Variants in PPFIA2 observed in about 807,000 individuals in gnomAD.
PPFIA2 encodes liprin-alpha-2.
In PPFIA2, 46 loss-of-function variants were observed where a neutral mutation model predicts 175.5. The observed-to-expected ratio is 0.26, with a 90% CI of 0.21 to 0.34. PPFIA2 has a LOEUF of 0.34. PPFIA2 is among the 10% of genes least tolerant of loss of function. The pLI, the probability that PPFIA2 is intolerant of heterozygous loss-of-function variation, is 1.00. For missense variants in PPFIA2, 1,179 were observed against 1,506.1 expected, an observed-to-expected ratio of 0.78 and a Z score of 3.60; for synonymous variants, 568 against 511.4, an observed-to-expected ratio of 1.11 and a Z score of -1.49.
chr12:81,447,982 C>A (rs1440019972), intron 5 of PPFIA2, among the ~76,000 whole-genome samples: 1 of 151,988 alleles, frequency 6.6e-6, no homozygotes, highest in South Asian at 2.1e-4. Context: ...ATAATGAAAC[C>A]TTTACAACAC....
At position 81,646,358 on chromosome 12, in the gene PPFIA2, GAAGA is replaced by G. The variant is rs1307315108; in HGVS notation, c.303+30429_303+30432del. On this transcript the variant is annotated intron_variant, in intron 4 of 32. Transcript: ENST00000549396. The stretch of plus-strand genomic sequence containing the variant: ...CCCTCTAGAGAACAGGAAGGGAAAT[GAAGA>G]AAGACCCAGTGCTGAGGTTTGGTGC... 2.6e-5 allele frequency among the ~76,000 whole-genome samples: 4 copies of G among 152,282 alleles called. 1 individual carries two copies. In the Middle Eastern group the frequency reaches 0.014, roughly 518 times the overall value.
chr12:81,753,155 G>A (rs1212373299), intron 3 of PPFIA2, among the ~76,000 whole-genome samples: 2 of 151,958 alleles, frequency 1.3e-5, no homozygotes, highest in African/African-American at 2.4e-5. Flanking sequence ...GGCTGGTCTC[G>A]AACTCCTGAG....
intron 11 of PPFIA2, among the ~76,000 whole-genome samples, chr12:81,370,334 A>G (rs2034741224): frequency 1.3e-5 from 2 of 151,782 alleles, no homozygotes; most frequent in African/African-American, 2.4e-5. Flanking sequence ...AATGCACACT[A>G]TGGTCATTGG....
chr12:81,439,769 C>T (rs541198090), intron 7 of PPFIA2: 6 of 510,178 alleles, frequency 1.2e-5, no homozygotes, highest in South Asian at 8.2e-5. Context: ...TGATAATTTT[C>T]CTTTGGTCTA....
chr12:81,468,491 T>C (rs1222730159), intron 4 of PPFIA2, among the ~76,000 whole-genome samples: 2 of 152,188 alleles, frequency 1.3e-5, no homozygotes, highest in Non-Finnish European at 2.9e-5. Flanking sequence ...TTTGACAAGA[T>C]GCTGCATATT....
intron 3 of PPFIA2, among the ~76,000 whole-genome samples, chr12:81,697,290 A>G (rs1389327947): frequency 6.6e-6 from 1 of 152,100 alleles, no homozygotes; most frequent in African/African-American, 2.4e-5. Context: ...GATTCATTAA[A>G]TGTCACACAG....
intron 4 of PPFIA2, among the ~76,000 whole-genome samples, chr12:81,639,956 A>C (rs2064730897): frequency 6.6e-6 from 1 of 152,168 alleles, no homozygotes; most frequent in African/African-American, 2.4e-5. Context: ...AAGATGCCAA[A>C]ATTTCTTATA....
chr12:81,656,674 G>T (rs2400960), intron 4 of PPFIA2, among the ~76,000 whole-genome samples: 139,380 of 151,930 alleles, frequency 0.92, 64,117 homozygotes, highest in East Asian at 1. Context: ...TATAAATTAT[G>T]TCTATGAGTA....
chr12:81,711,131 G>A (rs899753540), intron 3 of PPFIA2, among the ~76,000 whole-genome samples: 2 of 151,204 alleles, frequency 1.3e-5, no homozygotes, highest in Non-Finnish European at 2.9e-5. Flanking sequence ...GGGAGGCTGA[G>A]GTGGGAGGAT....
intron 4 of PPFIA2, among the ~76,000 whole-genome samples, chr12:81,646,939 G>A (rs2066180716): frequency 6.6e-6 from 1 of 151,956 alleles, no homozygotes; most frequent in Non-Finnish European, 1.5e-5. Context: ...AGGAAAAAAA[G>A]TTCTAGTGTA....
rs982444671 is a variant in PPFIA2, at chr12:81,606,167, T to C, written c.303+70624A>G. Among the ~76,000 whole-genome samples the C allele has an allele frequency of 4.7e-4, 71 of 152,050 alleles. 1 individual carries two copies. The highest frequency in any genetic ancestry group is 3.1e-4 in the Non-Finnish European group (21 of 67,954). ...ACAAGATTAATTATTTTTATATGGC[T>C]GCATAGTATTCTACAGTGTATATGG... On this transcript the variant is annotated intron_variant, in intron 4 of 32. Coordinates refer to ENST00000549396, the MANE Select transcript of PPFIA2 (RefSeq NM_003625.5).
rs189913006 is a variant in PPFIA2 at position 81,387,890 on chromosome 12, G to A, written c.763-3646C>T. ...GAAGTTCACAATTCCCTCCCTCTAAGAGCAATTCCCAGAGAAATGTTCAGC... is the reference window on the plus strand; with the variant it reads ...GAAGTTCACAATTCCCTCCCTCTAAAAGCAATTCCCAGAGAAATGTTCAGC... On this transcript the variant is annotated intron_variant, in intron 8 of 32. Transcript: ENST00000549396. Among the ~76,000 whole-genome samples the A allele has an allele frequency of 7.9e-5, 12 of 152,124 alleles. No homozygotes were observed. In the East Asian group the frequency reaches 2.3e-3, roughly 30 times the overall value.
At chr12:81,421,403 A>C (rs2046218026) in intron 7 of PPFIA2, among the ~76,000 whole-genome samples, 3 of 152,084 alleles carry the variant, frequency 2.0e-5, no homozygotes, top group Non-Finnish European at 4.4e-5. Flanking sequence ...GGCAGAGTAA[A>C]AAGGGGAGTA....
At chr12:81,566,530 C>CAAAAAAAAAAAAAAAAAAAAAAA (rs3075452) in intron 4 of PPFIA2, among the ~76,000 whole-genome samples, 45 of 68,426 alleles carry the variant, frequency 6.6e-4, no homozygotes, top group East Asian at 8.5e-4. Flanking sequence ...GACTCCAACT[C>CAAAAAAAAAAAAAAAAAAAAAAA]AAAAAAAAAA....
chr12:81,512,375 T>C (rs1198652409), intron 4 of PPFIA2: 1 of 1,287,894 alleles, frequency 7.8e-7, no homozygotes, highest in South Asian at 1.2e-5. Flanking sequence ...TTACATTCTC[T>C]GAGCATTCTA....
At position 81,381,792 on chromosome 12, in the gene PPFIA2, C is replaced by CT. The variant is rs935437785; in HGVS notation, c.984+2230dup. On this transcript the variant is annotated intron_variant, in intron 9 of 32. Coordinates refer to ENST00000549396, the MANE Select transcript of PPFIA2 (RefSeq NM_003625.5). ...CTACCACTTCATGGTTCATCTATCT[C>CT]TTTTTTTTGTTTTGTTTTGTTTTGT... is the stretch of plus-strand genomic sequence containing the variant. 8.0e-4 allele frequency among the ~76,000 whole-genome samples: 121 copies of CT among 151,998 alleles called. 1 individual carries two copies. The highest frequency in any genetic ancestry group is 2.2e-3 in the African/African-American group (92 of 41,462).
chr12:81,506,244 T>C (rs1393131002), intron 4 of PPFIA2: 2 of 152,212 alleles, frequency 1.3e-5, no homozygotes, highest in Admixed American at 6.5e-5. Flanking sequence ...TGCCTATCAT[T>C]CCATTAGAAT....
intron 4 of PPFIA2, among the ~76,000 whole-genome samples, chr12:81,509,901 T>C (rs1258556777): frequency 1.3e-5 from 2 of 152,280 alleles, no homozygotes; most frequent in East Asian, 3.9e-4. Context: ...TTTTTGAAAG[T>C]TCAGAACCAT....
At chr12:81,461,443 C>A (rs1357047249) in intron 4 of PPFIA2, among the ~76,000 whole-genome samples, 2 of 152,102 alleles carry the variant, frequency 1.3e-5, no homozygotes, top group Non-Finnish European at 1.5e-5. Context: ...GCCATTCATA[C>A]AACATTTGTT....
Sources: gnomAD v4.1 joint callset for allele counts (sites outside exome capture counted in the v4.1 genomes callset) on GRCh38, gnomAD v4.1.1 for gene constraint, MANE v1.5 for transcripts, NCBI Gene and HGNC (gene_info 2026-07-23, HGNC 2026-07-21) for gene names.